NAV3: variants seen among roughly 807,000 people sequenced by gnomAD.
NAV3 encodes the protein pore membrane and/or filament interacting like protein 1.
NAV3 carries 87 observed loss-of-function variants against 244.7 expected under a neutral mutation model. The ratio of observed to expected loss-of-function variants is 0.36; its 90% CI spans 0.30 to 0.42. NAV3 has a LOEUF of 0.42. NAV3 is among the 20% of genes least tolerant of loss of function. The probability of loss-of-function intolerance (pLI) is 1.00; values close to 1 mark genes in which losing one functional copy is unlikely to be tolerated. For synonymous variants in NAV3, 1,126 were observed against 1,042.2 expected (o/e 1.08, Z -1.55); for missense variants, 2,663 against 2,893.3 (o/e 0.92, Z 1.83).
chr12:77,638,601 G>A (rs923304080), intron 2 of NAV3, among the ~76,000 whole-genome samples: 19 of 152,202 alleles, frequency 1.2e-4, no homozygotes, highest in Non-Finnish European at 2.9e-5. Flanking sequence ...CACCTAATCT[G>A]AATATTGGGG....
At chr12:78,150,024 A>G (rs1957013659) in intron 22 of NAV3, among the ~76,000 whole-genome samples, 1 of 152,090 alleles carries the variant, frequency 6.6e-6, no homozygotes, top group Admixed American at 6.6e-5. Context: ...AGATTCCTGA[A>G]AATAATAGCA....
At chr12:77,849,003 A>G (rs1877068168) in intron 1 of NAV3, among the ~76,000 whole-genome samples, 1 of 152,182 alleles carries the variant, frequency 6.6e-6, no homozygotes, top group Non-Finnish European at 1.5e-5. Context: ...ATTACTGCAT[A>G]ATAGTGATGT....
intron 1 of NAV3, among the ~76,000 whole-genome samples, chr12:77,858,687 G>A (rs776417535): frequency 6.6e-6 from 1 of 151,932 alleles, no homozygotes; most frequent in Non-Finnish European, 1.5e-5. Flanking sequence ...GGAAGGCAAA[G>A]GTTCACAAAT....
At chr12:77,715,232 C>A (rs893520445) in intron 2 of NAV3, among the ~76,000 whole-genome samples, 1 of 151,850 alleles carries the variant, frequency 6.6e-6, no homozygotes, top group East Asian at 1.9e-4. Context: ...TGGACCCAAT[C>A]TTTAGTATAA....
At chr12:78,057,805 C>T (rs746428798) in intron 11 of NAV3, among the ~76,000 whole-genome samples, 2 of 152,166 alleles carry the variant, frequency 1.3e-5, no homozygotes, top group Non-Finnish European at 2.9e-5. Context: ...TGAACCTAAG[C>T]AGTCTGGCTC....
At chr12:78,099,011 A>G (rs916685888) in intron 12 of NAV3, among the ~76,000 whole-genome samples, 1 of 149,058 alleles carries the variant, frequency 6.7e-6, no homozygotes. Context: ...AATTGAAGTG[A>G]TGTTGTTTCT....
At chr12:78,016,265 A>T (rs1353017848) in intron 8 of NAV3, among the ~76,000 whole-genome samples, 1 of 152,110 alleles carries the variant, frequency 6.6e-6, no homozygotes, top group East Asian at 1.9e-4. Context: ...ACATACATAC[A>T]TACACATACA....
At chr12:77,794,143 A>G (rs977672359) in intron 2 of NAV3, among the ~76,000 whole-genome samples, 1 of 152,156 alleles carries the variant, frequency 6.6e-6, no homozygotes, top group Non-Finnish European at 1.5e-5. Flanking sequence ...GTCTGTTCAT[A>G]TACTTCACCC....
At chr12:77,645,942 C>T (rs769488293) in intron 2 of NAV3, among the ~76,000 whole-genome samples, 2 of 152,012 alleles carry the variant, frequency 1.3e-5, no homozygotes, top group Non-Finnish European at 2.9e-5. Context: ...GTTGGAGTAA[C>T]ATTTTAGGAG....
At chr12:77,913,492 G>A (rs1327604933) in intron 1 of NAV3, among the ~76,000 whole-genome samples, 1 of 151,972 alleles carries the variant, frequency 6.6e-6, no homozygotes, top group Non-Finnish European at 1.5e-5. Flanking sequence ...GAGTGCAGTG[G>A]CGCAATCTCG....
intron 1 of NAV3, among the ~76,000 whole-genome samples, chr12:77,914,851 T>TA (rs397744567): frequency 4.0e-5 from 6 of 151,470 alleles, no homozygotes; most frequent in African/African-American, 7.3e-5. Context: ...TTTTTTTTTT[T>TA]AATTATCTGA....
intron 12 of NAV3, among the ~76,000 whole-genome samples, chr12:78,060,267 G>C (rs1234231769): frequency 6.6e-6 from 1 of 152,154 alleles, no homozygotes; most frequent in Non-Finnish European, 1.5e-5. Flanking sequence ...AATAGGAACT[G>C]TATACAATTC....
At chr12:78,130,469 C>T (rs1434256881) in intron 18 of NAV3, 1 of 215,796 alleles carries the variant, frequency 4.6e-6, no homozygotes, top group Non-Finnish European at 1.0e-5. Flanking sequence ...CACAAAAACT[C>T]CCCTGAGGAT....
rs775001284 is a variant in NAV3, at chr12:77,968,651, C to G, written c.620C>G (p.Ser207Cys). 1 of 1,613,998 alleles carries G rather than the reference C, an allele frequency of 6.2e-7. No homozygotes were observed. The highest frequency in any genetic ancestry group is 8.5e-7 in the Non-Finnish European group (1 of 1,179,986). Reference sequence around the variant, plus strand: ...CTTCAGCAGCGAGTTACTCACGCTTCCCCTCCATCGGAAGCCAGCCAGGCC... The same window carrying G: ...CTTCAGCAGCGAGTTACTCACGCTTGCCCTCCATCGGAAGCCAGCCAGGCC... ...VELQQRVTHASPPSEASQAKT... is the reference protein window; with the variant it reads ...VELQQRVTHACPPSEASQAKT... The change falls in exon 5 of 40, where the codon TCC becomes TGC. Residue 207 changes from serine (S) to cysteine (C), a missense_variant. By Grantham distance (112) the Ser-to-Cys change is moderately radical. This residue lies in a region of NAV3 where 1,521 missense variants were observed against 1,497.0 expected (regional missense o/e 1.02). Coordinates refer to ENST00000397909, the MANE Select transcript of NAV3 (RefSeq NM_001024383.2).
At chr12:77,647,238 T>A (rs1156504278) in intron 2 of NAV3, among the ~76,000 whole-genome samples, 2 of 152,150 alleles carry the variant, frequency 1.3e-5, no homozygotes, top group African/African-American at 2.4e-5. Flanking sequence ...AAGCTAAGCA[T>A]GTAACTTATT....
At chr12:77,900,423 A>G (rs1885146797) in intron 1 of NAV3, among the ~76,000 whole-genome samples, 3 of 152,158 alleles carry the variant, frequency 2.0e-5, no homozygotes, top group Admixed American at 2.0e-4. Flanking sequence ...GCTCCCACTC[A>G]TAAGGAGGAC....
intron 2 of NAV3, among the ~76,000 whole-genome samples, chr12:77,643,393 T>C (rs1281363448): frequency 6.6e-6 from 1 of 151,804 alleles, no homozygotes; most frequent in African/African-American, 2.4e-5. Context: ...ACATATTTAC[T>C]AACAGATCTA....
intron 2 of NAV3, among the ~76,000 whole-genome samples, chr12:77,612,617 C>G (rs1870965162): frequency 6.6e-6 from 1 of 152,080 alleles, no homozygotes; most frequent in Non-Finnish European, 1.5e-5. Flanking sequence ...ATTCATAAGG[C>G]ACCACAACAG....
In NAV3 at chr12:77,831,379, T is replaced by G. The variant is rs570057541; in HGVS notation, c.-83T>G. On this transcript the variant is annotated 5_prime_UTR_variant, in exon 1 of 40. Transcript: ENST00000397909. The stretch of plus-strand genomic sequence containing the variant: ...TGCTAGTTTTGTTTAAAGTATTTGT[T>G]CTGGAAATACTAAAGTTGGAGTCTA... 37 of 1,392,588 alleles carry G rather than the reference T, an allele frequency of 2.7e-5. No individual in the cohort carries two copies. Among genetic ancestry groups the G allele is most frequent in the Non-Finnish European group, 2.2e-5 (23 of 1,042,274 alleles). The allele number at this position is 1,392,588 out of a possible 1,614,324, so 86.3% of individuals were successfully genotyped here. A position where few individuals can be genotyped will look rare whatever the true frequency, so the allele number is the denominator to read the frequency against.
Sources: gnomAD v4.1 joint callset for allele counts (sites outside exome capture counted in the v4.1 genomes callset) on GRCh38, gnomAD v4.1.1 for gene constraint, gnomAD v4.1.1 regional missense constraint, MANE v1.5 for transcripts, NCBI Gene and HGNC (gene_info 2026-07-23, HGNC 2026-07-21) for gene names.